COMMD10: variants seen among roughly 807,000 people sequenced by gnomAD.
COMMD10 encodes the protein COMM domain-containing protein 10.
Under a neutral mutation model 28.9 loss-of-function variants are expected in COMMD10, and 33 were observed. The ratio of observed to expected loss-of-function variants is 1.14; its 90% CI spans 0.87 to 1.53. COMMD10 has a LOEUF of 1.53. COMMD10 is among the 40% of genes most tolerant of loss of function. The probability of loss-of-function intolerance (pLI) is 0.00; values close to 1 mark genes in which losing one functional copy is unlikely to be tolerated. For synonymous variants in COMMD10, 110 were observed against 81.7 expected (o/e 1.35, Z -1.87); for missense variants, 310 against 233.4 (o/e 1.33, Z -2.14).
In COMMD10 at chr5:116,291,507, T is replaced by A; in HGVS notation, c.511-10T>A. On this transcript the variant is annotated splice_polypyrimidine_tract_variant and intron_variant, in intron 5 of 6. Transcript: ENST00000274458. ...AACTACATTCTTTTTGTTGTTTTTCTTCCTTACAGAGCCTGGAGAAAGTTC... is the reference window on the plus strand; with the variant it reads ...AACTACATTCTTTTTGTTGTTTTTCATCCTTACAGAGCCTGGAGAAAGTTC... 6.3e-7 allele frequency: 1 copy of A among 1,589,996 alleles called. No homozygotes were observed. Among genetic ancestry groups the A allele is most frequent in the Non-Finnish European group, 8.6e-7 (1 of 1,164,168 alleles).
chr5:116,086,463 C>T (rs76981331), intron 1 of COMMD10, among the ~76,000 whole-genome samples: 1,920 of 135,154 alleles, frequency 0.014, 31 homozygotes, highest in African/African-American at 0.048. Flanking sequence ...ATCTCTCTCT[C>T]TTTTTTTTCC....
intron 5 of COMMD10, among the ~76,000 whole-genome samples, chr5:116,248,906 A>G (rs914063911): frequency 2.6e-5 from 4 of 151,994 alleles, no homozygotes; most frequent in Non-Finnish European, 5.9e-5. Flanking sequence ...AAAGAAATTT[A>G]AGTTACTGAC....
At chr5:116,094,427 C>G (rs1267114572) in intron 4 of COMMD10, among the ~76,000 whole-genome samples, 1 of 152,120 alleles carries the variant, frequency 6.6e-6, no homozygotes, top group Non-Finnish European at 1.5e-5. Flanking sequence ...TGCTTAAAAT[C>G]ACTAATTATC....
At chr5:116,232,185 T>G (rs978489517) in intron 5 of COMMD10, among the ~76,000 whole-genome samples, 1 of 152,120 alleles carries the variant, frequency 6.6e-6, no homozygotes, top group Non-Finnish European at 1.5e-5. Flanking sequence ...ACATTTGGGT[T>G]TATTGTTTAT....
intron 4 of COMMD10, among the ~76,000 whole-genome samples, chr5:116,100,838 T>C (rs1750636925): frequency 6.6e-6 from 1 of 152,190 alleles, no homozygotes; most frequent in Non-Finnish European, 1.5e-5. Flanking sequence ...ATGCATAGAT[T>C]TCATAATGGT....
intron 5 of COMMD10, among the ~76,000 whole-genome samples, chr5:116,257,948 T>G (rs1027771320): frequency 6.6e-6 from 1 of 151,714 alleles, no homozygotes; most frequent in African/African-American, 2.4e-5. Flanking sequence ...TTTGGTTCTG[T>G]GCGATATAGA....
At chr5:116,197,197 A>AT (rs1212201915) in intron 5 of COMMD10, among the ~76,000 whole-genome samples, 3 of 152,148 alleles carry the variant, frequency 2.0e-5, no homozygotes, top group Non-Finnish European at 4.4e-5. Flanking sequence ...AAGAGACTGT[A>AT]AAGTTCATTT....
At chr5:116,129,743 G>T (rs1266750546) in intron 4 of COMMD10, among the ~76,000 whole-genome samples, 2 of 19,410 alleles carry the variant, frequency 1.0e-4, no homozygotes, top group African/African-American at 4.1e-4. Flanking sequence ...GTGATATACA[G>T]TATATATATA....
At chr5:116,175,783 A>T (rs1753489518) in intron 5 of COMMD10, among the ~76,000 whole-genome samples, 1 of 152,168 alleles carries the variant, frequency 6.6e-6, no homozygotes, top group Non-Finnish European at 1.5e-5. Flanking sequence ...AAAAGGACAA[A>T]TGTGGTATGA....
intron 5 of COMMD10, chr5:116,217,883 A>G (rs1333673759): frequency 3.3e-6 from 2 of 602,020 alleles, no homozygotes; most frequent in Non-Finnish European, 5.9e-6. Context: ...CAAAACAACA[A>G]TGAAGTGTTC....
intron 5 of COMMD10, among the ~76,000 whole-genome samples, chr5:116,169,416 G>C (rs1406100517): frequency 6.6e-6 from 1 of 152,062 alleles, no homozygotes; most frequent in African/African-American, 2.4e-5. Context: ...TTCTACCAGA[G>C]ATACAAAGAG....
intron 4 of COMMD10, among the ~76,000 whole-genome samples, chr5:116,101,189 A>G (rs1013961583): frequency 1.3e-5 from 2 of 152,168 alleles, no homozygotes; most frequent in African/African-American, 4.8e-5. Flanking sequence ...GTTATTATGA[A>G]TACTGTGATA....
chr5:116,224,395 G>T (rs1371319963), intron 5 of COMMD10, among the ~76,000 whole-genome samples: 2 of 152,112 alleles, frequency 1.3e-5, no homozygotes, highest in Non-Finnish European at 2.9e-5. Flanking sequence ...CTGAGACTGG[G>T]TAATTTACAA....
chr5:116,112,703 AT>A (rs112621179), intron 4 of COMMD10, among the ~76,000 whole-genome samples: 1 of 151,964 alleles, frequency 6.6e-6, no homozygotes, highest in Non-Finnish European at 1.5e-5. Flanking sequence ...CCTATAGTTG[AT>A]TTTTTTTATT....
intron 5 of COMMD10, among the ~76,000 whole-genome samples, chr5:116,268,974 C>T (rs2112694496): frequency 6.6e-6 from 1 of 151,714 alleles, no homozygotes; most frequent in South Asian, 2.1e-4. Context: ...AAAGGGATAG[C>T]ATTAGGAGAT....
At chr5:116,233,131 G>T (rs186751199) in intron 5 of COMMD10, among the ~76,000 whole-genome samples, 25 of 152,050 alleles carry the variant, frequency 1.6e-4, no homozygotes, top group Admixed American at 5.2e-4. Context: ...TTATTTTTGG[G>T]GTTTTACTTT....
At chr5:116,113,892 C>T (rs1407970304) in intron 4 of COMMD10, among the ~76,000 whole-genome samples, 8 of 151,782 alleles carry the variant, frequency 5.3e-5, no homozygotes, top group Non-Finnish European at 1.5e-5. Flanking sequence ...CATTCTAGCA[C>T]ATCTGGAACA....
intron 5 of COMMD10, among the ~76,000 whole-genome samples, chr5:116,270,852 T>C (rs1750733951): frequency 6.6e-6 from 1 of 151,500 alleles, no homozygotes; most frequent in Non-Finnish European, 1.5e-5. Flanking sequence ...GACAGGAAAA[T>C]AACTTGTACC....
intron 5 of COMMD10, among the ~76,000 whole-genome samples, chr5:116,179,901 A>G (rs1425223072): frequency 6.6e-6 from 1 of 152,196 alleles, no homozygotes; most frequent in South Asian, 2.1e-4. Context: ...ATTGGACGAG[A>G]TGGCAGTTTT....
Sources: allele counts gnomAD v4.1 joint callset (sites outside exome capture counted in the v4.1 genomes callset), GRCh38; gene constraint gnomAD v4.1.1; transcripts MANE v1.5; gene names NCBI Gene and HGNC (gene_info 2026-07-23, HGNC 2026-07-21).